PPP1R12B: variants seen among roughly 807,000 people sequenced by gnomAD.
The protein encoded by PPP1R12B is protein phosphatase 1 regulatory subunit 12B, also known as myosin phosphatase target subunit 2.
PPP1R12B carries 76 observed loss-of-function variants against 126.1 expected under a neutral mutation model. The ratio of observed to expected loss-of-function variants is 0.60; its 90% CI spans 0.50 to 0.73. PPP1R12B has a LOEUF of 0.73. PPP1R12B is among the 30% of genes least tolerant of loss of function. The pLI is 0.00. For missense variants in PPP1R12B, 1,052 were observed against 1,205.1 expected (o/e 0.87, Z 1.88); for synonymous variants, 356 against 434.7 (o/e 0.82, Z 2.25).
intron 1 of PPP1R12B, among the ~76,000 whole-genome samples, chr1:202,380,308 CACAA>C (rs968577285): frequency 1.3e-5 from 2 of 152,098 alleles, no homozygotes; most frequent in African/African-American, 4.8e-5. Flanking sequence ...TATTATCTTA[CACAA>C]ACAACAAGTT....
At chr1:202,571,269 T>C (rs938594873) in intron 23 of PPP1R12B, among the ~76,000 whole-genome samples, 2 of 152,232 alleles carry the variant, frequency 1.3e-5, no homozygotes, top group Non-Finnish European at 2.9e-5. Flanking sequence ...TTTCCTAAAC[T>C]AGATCATGAG....
At chr1:202,367,228 T>G (rs1255625495) in intron 1 of PPP1R12B, among the ~76,000 whole-genome samples, 1 of 152,166 alleles carries the variant, frequency 6.6e-6, no homozygotes, top group East Asian at 1.9e-4. Context: ...TCAGTAAATA[T>G]TGAGTATTGT....
Position 202,589,618 on chromosome 1 carries a change from C to T in PPP1R12B, c.*9058C>T, listed in dbSNP as rs1044782644. 4.6e-5 allele frequency: 7 copies of T among 152,252 alleles called. No homozygotes were observed. The highest frequency in any genetic ancestry group is 1.4e-4 in the African/African-American group (6 of 41,438). The allele number at this position is 152,252 out of a possible 1,614,324, so 9.4% of individuals were successfully genotyped here. ...CAGTATCACCTAGCCGTCACGTGGT[C>T]CAGCCCTCTTGGGGGGAAAGGAGAA... On this transcript the variant is annotated 3_prime_UTR_variant, in exon 24 of 24. Transcript: ENST00000608999.
At chr1:202,519,284 A>T (rs1682504725) in intron 18 of PPP1R12B, among the ~76,000 whole-genome samples, 1 of 151,428 alleles carries the variant, frequency 6.6e-6, no homozygotes, top group Non-Finnish European at 1.5e-5. Flanking sequence ...TTTTCTTTTG[A>T]GACGGGGTCT....
intron 1 of PPP1R12B, among the ~76,000 whole-genome samples, chr1:202,382,629 C>G (rs1450880379): frequency 6.6e-6 from 1 of 151,862 alleles, no homozygotes; most frequent in African/African-American, 2.4e-5. Flanking sequence ...GTAATCCCAG[C>G]ACTTTGGGAG....
intron 1 of PPP1R12B, among the ~76,000 whole-genome samples, chr1:202,358,125 A>G (rs1360022936): frequency 1.3e-5 from 2 of 152,212 alleles, no homozygotes; most frequent in African/African-American, 4.8e-5. Flanking sequence ...GTAATAATAA[A>G]TCCAGATTAA....
chr1:202,474,098 G>C (rs896022213), intron 13 of PPP1R12B: 1 of 445,896 alleles, frequency 2.2e-6, no homozygotes, highest in Non-Finnish European at 4.7e-6. Context: ...CTGTGGGCTT[G>C]TTCCTATTTG....
chr1:202,539,280 T>G (rs1316983183), intron 18 of PPP1R12B, among the ~76,000 whole-genome samples: 1 of 152,162 alleles, frequency 6.6e-6, no homozygotes, highest in Admixed American at 6.5e-5. Context: ...GAGCCTCCCT[T>G]TATTCCTAGA....
At chr1:202,401,598 G>C (rs1665861344) in intron 1 of PPP1R12B, among the ~76,000 whole-genome samples, 1 of 151,868 alleles carries the variant, frequency 6.6e-6, no homozygotes, top group Non-Finnish European at 1.5e-5. Context: ...AGCAATACTT[G>C]GACTTATGTA....
At chr1:202,451,342 C>G (rs6687009) in intron 13 of PPP1R12B, among the ~76,000 whole-genome samples, 93,301 of 143,512 alleles carry the variant, frequency 0.65, 30,464 homozygotes, top group East Asian at 0.77. Context: ...TGTGTCCCTG[C>G]GTACTTGAGA....
chr1:202,491,044 T>A (rs1230306170), intron 14 of PPP1R12B, among the ~76,000 whole-genome samples: 2 of 152,232 alleles, frequency 1.3e-5, no homozygotes, highest in Non-Finnish European at 2.9e-5. Flanking sequence ...CATACTGTTT[T>A]CCTTAGCGGC....
intron 12 of PPP1R12B, chr1:202,444,987 C>A: frequency 8.2e-7 from 1 of 1,226,366 alleles, no homozygotes; most frequent in Non-Finnish European, 1.0e-6. Flanking sequence ...GAAGGTGGTG[C>A]TGGGAAATGG....
Position 202,449,264 on chromosome 1 carries a change from G to A in PPP1R12B, c.1850+93G>A, listed in dbSNP as rs34024616. Reference sequence around the variant, plus strand: ...AAGTGTTTTTCCCAATTTCAAATACGTTTATGAAAATATGTCTTTTTTTTT... The same window carrying A: ...AAGTGTTTTTCCCAATTTCAAATACATTTATGAAAATATGTCTTTTTTTTT... On this transcript the variant is annotated intron_variant, in intron 13 of 23. Transcript: ENST00000608999. 2.3e-5 allele frequency: 34 copies of A among 1,455,468 alleles called. No individual in the cohort carries two copies. In the East Asian group the frequency reaches 6.5e-4, roughly 28 times the overall value. 90.2% of individuals were successfully genotyped at this position (1,455,468 alleles called of 1,614,324 possible).
chr1:202,569,649 A>G (rs1688405289), intron 23 of PPP1R12B, among the ~76,000 whole-genome samples: 1 of 152,164 alleles, frequency 6.6e-6, no homozygotes, highest in Non-Finnish European at 1.5e-5. Flanking sequence ...GCAAGAACAC[A>G]GATTGAATCA....
chr1:202,401,361 ATTTTTT>A (rs34810265), intron 1 of PPP1R12B, among the ~76,000 whole-genome samples: 153 of 71,430 alleles, frequency 2.1e-3, no homozygotes, highest in African/African-American at 7.9e-3. Flanking sequence ...GGCTAATTTA[ATTTTTT>A]TTTTTTTTTT....
chr1:202,575,263 AGCT>A, intron 23 of PPP1R12B: 2 of 1,350,620 alleles, frequency 1.5e-6, no homozygotes, highest in Non-Finnish European at 2.0e-6. Context: ...GTTCCTGCAA[AGCT>A]TGGTTATCTG....
chr1:202,399,624 G>A (rs1341442961), intron 1 of PPP1R12B, among the ~76,000 whole-genome samples: 1 of 151,870 alleles, frequency 6.6e-6, no homozygotes, highest in Non-Finnish European at 1.5e-5. Context: ...AGCCTCCTGA[G>A]TAGCTGGGAC....
At chr1:202,407,364 G>A (rs1666767814) in intron 1 of PPP1R12B, among the ~76,000 whole-genome samples, 1 of 152,182 alleles carries the variant, frequency 6.6e-6, no homozygotes, top group African/African-American at 2.4e-5. Flanking sequence ...AACATTTGCA[G>A]TCTTGAGGTA....
rs1405525095 is a variant in PPP1R12B, at chr1:202,581,562, C to G, written c.*1002C>G. On this transcript the variant is annotated 3_prime_UTR_variant, in exon 24 of 24. Coordinates refer to ENST00000608999, the MANE Select transcript of PPP1R12B (RefSeq NM_002481.4). ...TTCCTTGACCTTGTTTTCCTCTCTT[C>G]GCCCTGACACCTGCTTCTAATGAGA... 6.6e-6 allele frequency: 1 copy of G among 152,182 alleles called. No individual in the cohort carries two copies. Among genetic ancestry groups the G allele is most frequent in the Non-Finnish European group, 1.5e-5 (1 of 68,034 alleles). The allele number at this position is 152,182 out of a possible 1,614,324, so 9.4% of individuals were successfully genotyped here.
Sources: allele counts gnomAD v4.1 joint callset (sites outside exome capture counted in the v4.1 genomes callset), GRCh38; gene constraint gnomAD v4.1.1; transcripts MANE v1.5; gene names NCBI Gene and HGNC (gene_info 2026-07-23, HGNC 2026-07-21).